The following SHISAL1 variants were observed in gnomAD, a reference collection of about 807,000 sequenced individuals.
SHISAL1 encodes the protein protein shisa-like-1.
A neutral mutation model predicts 22.6 loss-of-function variants in SHISAL1; 9 were observed. The ratio of observed to expected loss-of-function variants is 0.40; its 90% CI spans 0.24 to 0.70. The LOEUF is 0.70. Among genes scored for constraint, SHISAL1 ranks in the 30% least tolerant of loss-of-function variants. The probability of loss-of-function intolerance (pLI) is 0.39; values close to 1 mark genes in which losing one functional copy is unlikely to be tolerated. For missense variants in SHISAL1, 246 were observed against 270.6 expected, an observed-to-expected ratio of 0.91 and a Z score of 0.64; for synonymous variants, 119 against 115.4, an observed-to-expected ratio of 1.03 and a Z score of -0.20.
chr22:44,284,603 C>T (rs73430800), intron 4 of SHISAL1, among the ~76,000 whole-genome samples: 4,837 of 152,188 alleles, frequency 0.032, 274 homozygotes, highest in African/African-American at 0.11. Context: ...ACAGAGCATC[C>T]GAACCTCTCA....
chr22:44,323,200 A>G, the SHISAL1 span, among the ~76,000 whole-genome samples: 1 of 135,676 alleles, frequency 7.4e-6, no homozygotes. Flanking sequence ...TCCATCCACC[A>G]TCCATCTGTC....
chr22:44,290,529 C>CAAAAAAAAAAAAAAAA (rs546640216), intron 3 of SHISAL1, among the ~76,000 whole-genome samples: 12 of 84,302 alleles, frequency 1.4e-4, no homozygotes, highest in African/African-American at 3.3e-4. Context: ...AACTCAGTCT[C>CAAAAAAAAAAAAAAAA]AAAAAAAAAA....
At chr22:44,277,850 T>A (rs938388876) in intron 4 of SHISAL1, among the ~76,000 whole-genome samples, 1 of 152,130 alleles carries the variant, frequency 6.6e-6, no homozygotes, top group Admixed American at 6.5e-5. Context: ...CGACGGGACA[T>A]AATGTTGAAT....
chr22:44,297,957 G>T (rs532836842), intron 2 of SHISAL1, among the ~76,000 whole-genome samples: 58 of 152,306 alleles, frequency 3.8e-4, no homozygotes, highest in African/African-American at 1.3e-3. Context: ...ACCCACCCGG[G>T]GCTGCTGCAG....
At position 44,286,089 on chromosome 22, in the gene SHISAL1, T is replaced by C. The variant is rs373454699; in HGVS notation, c.282-344A>G. On this transcript the variant is annotated intron_variant, in intron 3 of 4. Transcript: ENST00000381176. ...CCCAGGACATGGCAGCCTCTTCCTT[T>C]ACCTGGTGCTGTTTTGGTCTGCCCT... is the stretch of plus-strand genomic sequence containing the variant. Among the ~76,000 whole-genome samples, 79 of 152,298 alleles carry C rather than the reference T, an allele frequency of 5.2e-4. 2 individuals are homozygous for C. The East Asian group carries it at 0.014, about 26-fold the overall frequency.
At position 44,246,139 on chromosome 22, in the gene SHISAL1, G is replaced by A. The variant is rs2054998900; in HGVS notation, c.*3546C>T. ...CTCTAGGTGCAGGGCACGTTCAGAGGCTAACTTGAGGGCAGCGAGCCAGCA... is the reference window on the plus strand; with the variant it reads ...CTCTAGGTGCAGGGCACGTTCAGAGACTAACTTGAGGGCAGCGAGCCAGCA... On this transcript the variant is annotated 3_prime_UTR_variant, in exon 5 of 5. Transcript: ENST00000381176. 6.6e-6 allele frequency: 1 copy of A among 152,228 alleles called. No homozygotes were observed. The highest frequency in any genetic ancestry group is 1.5e-5 in the Non-Finnish European group (1 of 68,070). 9.4% of individuals were successfully genotyped at this position (152,228 alleles called of 1,614,324 possible). A position where few individuals can be genotyped will look rare whatever the true frequency, so the allele number is the denominator to read the frequency against.
Position 44,243,689 on chromosome 22 carries a change from C to G in SHISAL1, c.*5996G>C, listed in dbSNP as rs948989141. ...CTAGGGAACAGTTGACATGACACTC[C>G]TTTATTAAAACCTAGGGACATTGTT... On this transcript the variant is annotated 3_prime_UTR_variant, in exon 5 of 5. Coordinates refer to ENST00000381176, the MANE Select transcript of SHISAL1 (RefSeq NM_001099294.2). The G allele has an allele frequency of 6.6e-6, 1 of 152,186 alleles. No individual in the cohort carries two copies. The highest frequency in any genetic ancestry group is 1.5e-5 in the Non-Finnish European group (1 of 68,044). 9.4% of individuals were successfully genotyped at this position (152,186 alleles called of 1,614,324 possible).
chr22:44,294,956 G>A (rs755115301), intron 3 of SHISAL1, among the ~76,000 whole-genome samples: 6 of 152,106 alleles, frequency 3.9e-5, no homozygotes, highest in African/African-American at 7.2e-5. Flanking sequence ...CAAATGGAAC[G>A]ACATTTGTAT....
chr22:44,244,509 T>TAACA lies in SHISAL1; in HGVS notation c.*5172_*5175dup, dbSNP rs753797896. 1.3e-5 allele frequency: 2 copies of TAACA among 152,142 alleles called. No homozygotes were observed. The highest frequency in any genetic ancestry group is 6.5e-5 in the Admixed American group (1 of 15,268). 9.4% of individuals were successfully genotyped at this position (152,142 alleles called of 1,614,324 possible). On this transcript the variant is annotated 3_prime_UTR_variant, in exon 5 of 5. Coordinates refer to ENST00000381176, the MANE Select transcript of SHISAL1 (RefSeq NM_001099294.2). Reference sequence around the variant, plus strand: ...ATAGGAGTTTTAGGTACAGAGTAACTAACAGTCAAATCTGCTCATTCATCA... The same window carrying TAACA: ...ATAGGAGTTTTAGGTACAGAGTAACTAACAAACAGTCAAATCTGCTCATTCATCA...
intron 1 of SHISAL1, among the ~76,000 whole-genome samples, chr22:44,308,387 T>C (rs1024231558): frequency 1.7e-4 from 26 of 152,338 alleles, no homozygotes; most frequent in African/African-American, 6.0e-4. Context: ...TGAGGCCCCT[T>C]GTGGCCTGGC....
intron 3 of SHISAL1, among the ~76,000 whole-genome samples, chr22:44,293,290 G>A (rs1160052563): frequency 6.6e-6 from 1 of 152,208 alleles, no homozygotes; most frequent in East Asian, 1.9e-4. Context: ...GGAGAGGGAA[G>A]GCGGCGAGAA....
intron 4 of SHISAL1, among the ~76,000 whole-genome samples, chr22:44,259,049 G>C (rs560538503): frequency 0.022 from 3,295 of 152,230 alleles, 122 homozygotes; most frequent in African/African-American, 0.075. Context: ...CTGAAAACCT[G>C]AGAACATCAC....
chr22:44,289,461 T>C (rs2055337836), intron 3 of SHISAL1, among the ~76,000 whole-genome samples: 1 of 137,890 alleles, frequency 7.3e-6, no homozygotes, highest in African/African-American at 2.7e-5. Context: ...AGTGTGTCAT[T>C]GTAAATGTGT....
At chr22:44,253,918 A>G (rs2055067358) in intron 4 of SHISAL1, among the ~76,000 whole-genome samples, 1 of 152,016 alleles carries the variant, frequency 6.6e-6, no homozygotes, top group East Asian at 1.9e-4. Flanking sequence ...AAAAGTGACT[A>G]TCAGGCCACA....
In SHISAL1 at chr22:44,310,538, G is replaced by C. The variant is rs2055511022; in HGVS notation, c.-33+2213C>G. Among the ~76,000 whole-genome samples, 1 of 152,130 alleles carries C rather than the reference G, an allele frequency of 6.6e-6. No homozygotes were observed. Among genetic ancestry groups the C allele is most frequent in the Non-Finnish European group, 1.5e-5 (1 of 68,014 alleles). ...CTTCAGCTTCCTCATCTGTGAAACG[G>C]GAGCCGTGCCCCACACCTTGCAGGT... is the stretch of plus-strand genomic sequence containing the variant. On this transcript the variant is annotated intron_variant, in intron 1 of 4. Coordinates refer to ENST00000381176, the MANE Select transcript of SHISAL1 (RefSeq NM_001099294.2). This position sits in a 1 kb window ranked among gnomAD's most constrained non-coding sequence, Gnocchi z 4.0.
chr22:44,330,000 C>G, the SHISAL1 span, among the ~76,000 whole-genome samples: 12 of 152,322 alleles, frequency 7.9e-5, no homozygotes, highest in African/African-American at 2.9e-4. Context: ...CAGTCTGGGT[C>G]TGAACAGAGC....
Position 44,246,076 on chromosome 22 carries a change from G to C in SHISAL1, c.*3609C>G, listed in dbSNP as rs1337093424. On this transcript the variant is annotated 3_prime_UTR_variant, in exon 5 of 5. Coordinates refer to ENST00000381176, the MANE Select transcript of SHISAL1 (RefSeq NM_001099294.2). ...TCATGGTCAGGTGGCTGGCCTGGCCGCTGGAGCAGCCAGGTGAGGCGGGTG... is the reference window on the plus strand; with the variant it reads ...TCATGGTCAGGTGGCTGGCCTGGCCCCTGGAGCAGCCAGGTGAGGCGGGTG... 6.6e-6 allele frequency: 1 copy of C among 152,390 alleles called. No individual in the cohort carries two copies. Among genetic ancestry groups the C allele is most frequent in the East Asian group, 1.9e-4 (1 of 5,182 alleles). 9.4% of individuals were successfully genotyped at this position (152,390 alleles called of 1,614,324 possible).
In SHISAL1 at chr22:44,276,291, C is replaced by T. The variant is rs549933274; in HGVS notation, c.599+9137G>A. 3.3e-5 allele frequency among the ~76,000 whole-genome samples: 5 copies of T among 152,112 alleles called. No individual in the cohort carries two copies. The South Asian group carries it at 6.3e-4, about 19-fold the overall frequency. On this transcript the variant is annotated intron_variant, in intron 4 of 4. Coordinates refer to ENST00000381176, the MANE Select transcript of SHISAL1 (RefSeq NM_001099294.2). ...GAGGTCTGGGTGGAGGGAACAGCAG[C>T]GGGGCTGGTGTGGCTGCAGCAAGCG... is the stretch of plus-strand genomic sequence containing the variant.
upstream of SHISAL1, among the ~76,000 whole-genome samples, chr22:44,317,182 T>C (rs925029781): frequency 2.6e-5 from 4 of 152,008 alleles, no homozygotes; most frequent in Non-Finnish European, 5.9e-5. Flanking sequence ...ACCCACACTC[T>C]GTGTAATTGG....
Sources: allele counts gnomAD v4.1 joint callset (sites outside exome capture counted in the v4.1 genomes callset), GRCh38; gene constraint gnomAD v4.1.1; non-coding constraint Gnocchi (gnomAD v3.1); transcripts MANE v1.5; gene names NCBI Gene and HGNC (gene_info 2026-07-23, HGNC 2026-07-21).